MAP3K4: variants seen among roughly 807,000 people sequenced by gnomAD.
MAP3K4 encodes the protein mitogen-activated protein kinase kinase kinase 4.
MAP3K4 carries 67 observed loss-of-function variants against 185.6 expected under a neutral mutation model. The ratio of observed to expected loss-of-function variants is 0.36; its 90% CI spans 0.30 to 0.44. The LOEUF (loss-of-function observed/expected upper bound fraction) is 0.44, where lower values mean the gene tolerates loss of function less well. Ranked by LOEUF, MAP3K4 falls within the 20% of genes least tolerant of loss-of-function variation. The probability of loss-of-function intolerance (pLI) is 1.00; values close to 1 mark genes in which losing one functional copy is unlikely to be tolerated. For synonymous variants in MAP3K4, 702 were observed against 710.4 expected, an observed-to-expected ratio of 0.99 and a Z score of 0.19; for missense variants, 1,551 against 1,995.1, an observed-to-expected ratio of 0.78 and a Z score of 4.24.
rs1785737292 is a variant in MAP3K4 at position 161,086,778 on chromosome 6, C to G, written c.2556+111C>G. The G allele has an allele frequency of 1.3e-6, 1 of 767,144 alleles. No individual in the cohort carries two copies. The highest frequency in any genetic ancestry group is 2.1e-6 in the Non-Finnish European group (1 of 475,920). The allele number at this position is 767,144 out of a possible 1,614,324, so 47.5% of individuals were successfully genotyped here. ...TAGTAAATATTACAGGCTCTGAAGG[C>G]TGTACCACAACCCCAGTTGTAAGAC... is the stretch of plus-strand genomic sequence containing the variant. On this transcript the variant is annotated intron_variant, in intron 9 of 26. Coordinates refer to ENST00000392142, the MANE Select transcript of MAP3K4 (RefSeq NM_005922.4). The surrounding 1 kb of genome is among the most constrained non-coding windows in gnomAD (Gnocchi z 4.8).
intron 1 of MAP3K4, among the ~76,000 whole-genome samples, chr6:161,014,367 GT>G (rs1781985092): frequency 6.6e-6 from 1 of 152,138 alleles, no homozygotes; most frequent in African/African-American, 2.4e-5. Context: ...ATTTCCCCTT[GT>G]TTTAATGTAA....
chr6:161,037,646 G>C lies in MAP3K4; in HGVS notation c.343+3197G>C, dbSNP rs558735485. Among the ~76,000 whole-genome samples, 1 of 151,798 alleles carries C rather than the reference G, an allele frequency of 6.6e-6. No individual in the cohort carries two copies. The highest frequency in any genetic ancestry group is 1.9e-4 in the East Asian group (1 of 5,136). On this transcript the variant is annotated intron_variant, in intron 2 of 26. Coordinates refer to ENST00000392142, the MANE Select transcript of MAP3K4 (RefSeq NM_005922.4). This position sits in a 1 kb window ranked among gnomAD's most constrained non-coding sequence, Gnocchi z 4.2. ...TTGGCCAGGCTGGTCTCGAACTGCTGACCTCAGGTGATCCACCTGCCTCAG... is the reference window on the plus strand; with the variant it reads ...TTGGCCAGGCTGGTCTCGAACTGCTCACCTCAGGTGATCCACCTGCCTCAG...
At chr6:161,002,069 T>C (rs1781348761) in intron 1 of MAP3K4, among the ~76,000 whole-genome samples, 1 of 151,442 alleles carries the variant, frequency 6.6e-6, no homozygotes, top group African/African-American at 2.4e-5. Flanking sequence ...TTTTTTTTTT[T>C]TTGGATCTAG....
rs145506206 is a variant in MAP3K4, at chr6:161,012,860, C to T, written c.152+20777C>T. 3.9e-4 allele frequency among the ~76,000 whole-genome samples: 59 copies of T among 152,228 alleles called. 1 individual carries two copies. The highest frequency in any genetic ancestry group is 3.4e-3 in the Middle Eastern group (1 of 294). ...GAATGATATCTAAATGTATTGTGAG[C>T]ATTTGGCGTGTTAATAAAAATATTA... On this transcript the variant is annotated intron_variant, in intron 1 of 26. Transcript: ENST00000392142.
At chr6:161,029,984 T>C (rs1042635999) in intron 1 of MAP3K4, among the ~76,000 whole-genome samples, 2 of 152,216 alleles carry the variant, frequency 1.3e-5, no homozygotes, top group Non-Finnish European at 2.9e-5. Context: ...CTCTTCGTCA[T>C]TGGTTTTCAG....
At chr6:160,992,144 C>G in intron 1 of MAP3K4, 61 bp downstream of exon 1, 1 of 1,449,132 alleles carries the variant, frequency 6.9e-7, no homozygotes, top group Non-Finnish European at 9.0e-7. Flanking sequence ...GGCCCGAACT[C>G]GGTCGGGCCC....
Position 161,086,310 on chromosome 6 carries a change from G to T in MAP3K4, c.2373-69G>T. The T allele has an allele frequency of 1.1e-6, 1 of 879,394 alleles. No homozygotes were observed. Among genetic ancestry groups the T allele is most frequent in the South Asian group, 1.7e-5 (1 of 57,972 alleles). 54.5% of individuals were successfully genotyped at this position (879,394 alleles called of 1,614,324 possible). A position where few individuals can be genotyped will look rare whatever the true frequency, so the allele number is the denominator to read the frequency against. On this transcript the variant is annotated intron_variant, in intron 7 of 26. Coordinates refer to ENST00000392142, the MANE Select transcript of MAP3K4 (RefSeq NM_005922.4). The surrounding 1 kb of genome is among the most constrained non-coding windows in gnomAD (Gnocchi z 4.8). ...ATTTGGAATTTGCTTCATCTTTATTGTTAAATCCCTCTTGCACCTCTGGAA... is the reference window on the plus strand; with the variant it reads ...ATTTGGAATTTGCTTCATCTTTATTTTTAAATCCCTCTTGCACCTCTGGAA...
rs1785205530 is a variant in MAP3K4 at position 161,076,963 on chromosome 6, AG to A, written c.2097+3353del. Among the ~76,000 whole-genome samples the A allele has an allele frequency of 6.6e-6, 1 of 152,202 alleles. No homozygotes were observed. The highest frequency in any genetic ancestry group is 2.4e-5 in the African/African-American group (1 of 41,460). On this transcript the variant is annotated intron_variant, in intron 5 of 26. Coordinates refer to ENST00000392142, the MANE Select transcript of MAP3K4 (RefSeq NM_005922.4). This position sits in a 1 kb window ranked among gnomAD's most constrained non-coding sequence, Gnocchi z 4.2. The stretch of plus-strand genomic sequence containing the variant: ...AGAAAAATGCCCTCAGGAAAGGCAC[AG>A]GTCTTTTGTGGACTGGTTAATTCGA...
intron 1 of MAP3K4, among the ~76,000 whole-genome samples, chr6:161,031,580 G>T (rs751174838): frequency 1.3e-5 from 2 of 152,010 alleles, no homozygotes; most frequent in African/African-American, 4.8e-5. Flanking sequence ...GGATCACTGA[G>T]GTTTGATATT....
chr6:161,028,620 G>A (rs1782780820), intron 1 of MAP3K4, among the ~76,000 whole-genome samples: 1 of 151,854 alleles, frequency 6.6e-6, no homozygotes, highest in African/African-American at 2.4e-5. Context: ...TTCAGTAATT[G>A]TTGGGGAGAT....
At position 161,082,813 on chromosome 6, in the gene MAP3K4, A is replaced by T. The variant is rs1785519934; in HGVS notation, c.2256-1688A>T. Among the ~76,000 whole-genome samples, 1 of 152,182 alleles carries T rather than the reference A, an allele frequency of 6.6e-6. No individual in the cohort carries two copies. The highest frequency in any genetic ancestry group is 2.4e-5 in the African/African-American group (1 of 41,454). ...ATGTTATTGCAGTAGCTCTCTAAAC[A>T]GTCTCCCTACTTCTGCCTGAAGCCT... is the stretch of plus-strand genomic sequence containing the variant. On this transcript the variant is annotated intron_variant, in intron 6 of 26. Transcript: ENST00000392142. The surrounding 1 kb of genome is among the most constrained non-coding windows in gnomAD (Gnocchi z 4.2).
rs1357024511 is a variant in MAP3K4 at position 161,064,214 on chromosome 6, TTAC to T, written c.1708-6390_1708-6388del. Among the ~76,000 whole-genome samples, 1 of 152,252 alleles carries T rather than the reference TTAC, an allele frequency of 6.6e-6. No individual in the cohort carries two copies. Among genetic ancestry groups the T allele is most frequent in the Non-Finnish European group, 1.5e-5 (1 of 68,044 alleles). The stretch of plus-strand genomic sequence containing the variant: ...TAATGCAGAGCTCTATCTTTAGATT[TTAC>T]TACATTGGGAATTTCTTTTTCCAAA... On this transcript the variant is annotated intron_variant, in intron 3 of 26. Coordinates refer to ENST00000392142, the MANE Select transcript of MAP3K4 (RefSeq NM_005922.4). This position sits in a 1 kb window ranked among gnomAD's most constrained non-coding sequence, Gnocchi z 4.3.
Position 161,043,521 on chromosome 6 carries a change from C to CCTA in MAP3K4, c.344-5094_344-5093insTAC, listed in dbSNP as rs1783584170. On this transcript the variant is annotated intron_variant, in intron 2 of 26. Coordinates refer to ENST00000392142, the MANE Select transcript of MAP3K4 (RefSeq NM_005922.4). This position sits in a 1 kb window ranked among gnomAD's most constrained non-coding sequence, Gnocchi z 4.3. ...GTGGTGGCACCAACTTGGGCTAGGA[C>CCTA]CCCTGTTCTGACATTAACCATGTGT... is the stretch of plus-strand genomic sequence containing the variant. Among the ~76,000 whole-genome samples the CCTA allele has an allele frequency of 2.0e-5, 3 of 152,144 alleles. No homozygotes were observed. Among genetic ancestry groups the CCTA allele is most frequent in the Admixed American group, 6.5e-5 (1 of 15,268 alleles).
At chr6:161,040,059 G>C (rs1190085013) in intron 2 of MAP3K4, among the ~76,000 whole-genome samples, 1 of 152,116 alleles carries the variant, frequency 6.6e-6, no homozygotes, top group East Asian at 1.9e-4. Flanking sequence ...TAGATATTGT[G>C]CGTGTCATTC....
chr6:160,992,266 C>A (rs746116026), intron 1 of MAP3K4, 183 bp downstream of exon 1: 1 of 798,184 alleles, frequency 1.3e-6, no homozygotes, highest in Non-Finnish European at 1.8e-6. Flanking sequence ...TGAGTCTGTC[C>A]GGCGACTCCT....
intron 1 of MAP3K4, among the ~76,000 whole-genome samples, chr6:161,010,017 TA>T (rs944731667): frequency 1.8e-4 from 28 of 152,118 alleles, no homozygotes; most frequent in Admixed American, 1.8e-3. Flanking sequence ...CCCTGGGACT[TA>T]AAAAAAATAA....
intron 19 of MAP3K4, among the ~76,000 whole-genome samples, chr6:161,104,727 G>T (rs1320404291): frequency 7.8e-6 from 1 of 128,022 alleles, no homozygotes; most frequent in Non-Finnish European, 1.7e-5. Flanking sequence ...AAAAAAAAAG[G>T]AATCTTGAGA....
chr6:161,075,825 T>C lies in MAP3K4; in HGVS notation c.2097+2213T>C, dbSNP rs560732188. Among the ~76,000 whole-genome samples the C allele has an allele frequency of 1.9e-4, 29 of 152,314 alleles. No individual in the cohort carries two copies. In the South Asian group the frequency reaches 6.0e-3, roughly 32 times the overall value. The stretch of plus-strand genomic sequence containing the variant: ...TTATCCACATCTCTCTTCTTACAGA[T>C]GAAAAAACTAGAGACTGTCAGTGTT... On this transcript the variant is annotated intron_variant, in intron 5 of 26. Coordinates refer to ENST00000392142, the MANE Select transcript of MAP3K4 (RefSeq NM_005922.4). The surrounding 1 kb of genome is among the most constrained non-coding windows in gnomAD (Gnocchi z 4.3).
chr6:161,058,507 C>T (rs1197656381), intron 3 of MAP3K4, among the ~76,000 whole-genome samples: 1 of 152,162 alleles, frequency 6.6e-6, no homozygotes, highest in Non-Finnish European at 1.5e-5. Flanking sequence ...TTGTATCTAA[C>T]ACTTTTTTAA....
Sources: gnomAD v4.1 joint callset for allele counts (sites outside exome capture counted in the v4.1 genomes callset) on GRCh38, gnomAD v4.1.1 for gene constraint, Gnocchi (gnomAD v3.1) non-coding constraint, MANE v1.5 for transcripts, NCBI Gene and HGNC (gene_info 2026-07-23, HGNC 2026-07-21) for gene names.